The following PTP4A1 variants were observed in gnomAD, a reference collection of about 807,000 sequenced individuals.
PTP4A1 encodes the protein protein tyrosine phosphatase 4A1.
PTP4A1 carries 9 observed loss-of-function variants against 20.5 expected under a neutral mutation model. The observed-to-expected ratio is 0.44, with a 90% CI of 0.26 to 0.77. The LOEUF is 0.77. PTP4A1 is among the 30% of genes least tolerant of loss of function. The pLI is 0.19. For missense variants in PTP4A1, 137 were observed against 218.8 expected (o/e 0.63, Z 2.36); for synonymous variants, 78 against 67.4 (o/e 1.16, Z -0.77).
chr6:63,530,462 G>C (rs533911351), intron 2 of PTP4A1, among the ~76,000 whole-genome samples: 3 of 152,194 alleles, frequency 2.0e-5, no homozygotes, highest in Admixed American at 1.3e-4. Flanking sequence ...AAACATGAAG[G>C]CTTAGACGCC....
At chr6:63,559,700 G>A (rs1435347108) in intron 3 of PTP4A1, among the ~76,000 whole-genome samples, 3 of 151,528 alleles carry the variant, frequency 2.0e-5, no homozygotes, top group South Asian at 2.1e-4. Flanking sequence ...AGCCAAGATC[G>A]CGCCACTGCA....
chr6:63,518,154 CAA>C (rs60368385), upstream of PTP4A1, among the ~76,000 whole-genome samples: 33 of 62,062 alleles, frequency 5.3e-4, no homozygotes, highest in East Asian at 4.8e-4. Flanking sequence ...ACTCCGTCTC[CAA>C]AAAAAAAAAA....
chr6:63,580,105 G>A lies in PTP4A1; in HGVS notation c.453G>A (p.Lys151=), dbSNP rs548081382. The A allele has an allele frequency of 4.3e-6, 7 of 1,613,078 alleles. No individual in the cohort carries two copies. Among genetic ancestry groups the A allele is most frequent in the Non-Finnish European group, 5.9e-6 (7 of 1,179,682 alleles). ...GCAAGCAACTTCTGTATTTGGAGAAGTATCGTCCTAAAATGCGGCTGCGTT... is the reference window on the plus strand; with the variant it reads ...GCAAGCAACTTCTGTATTTGGAGAAATATCGTCCTAAAATGCGGCTGCGTT... ...FNSKQLLYLE[K]YRPKMRLRFK... The change falls in exon 6 of 6, where the codon AAG becomes AAA. Residue 151 remains lysine, a synonymous_variant. Transcript: ENST00000626021.
intron 2 of PTP4A1, among the ~76,000 whole-genome samples, chr6:63,535,488 A>G (rs367580510): frequency 2.0e-5 from 3 of 152,172 alleles, no homozygotes; most frequent in East Asian, 3.8e-4. Flanking sequence ...AAAAAGCAAT[A>G]ATATGCATTT....
chr6:63,572,330 C>CCGG, upstream of PTP4A1: 1 of 255,464 alleles, frequency 3.9e-6, no homozygotes, highest in East Asian at 7.0e-5. Flanking sequence ...CCGGTTCACA[C>CCGG]CGGCGGCGGC....
At chr6:63,528,313 T>C (rs548043349) in intron 2 of PTP4A1, among the ~76,000 whole-genome samples, 22 of 152,298 alleles carry the variant, frequency 1.4e-4, no homozygotes, top group African/African-American at 5.1e-4. Context: ...AGAATAGCAT[T>C]GGCTGGGCAC....
chr6:63,566,544 G>T (rs540957208), intron 3 of PTP4A1, among the ~76,000 whole-genome samples: 10 of 152,280 alleles, frequency 6.6e-5, no homozygotes, highest in African/African-American at 2.2e-4. Flanking sequence ...AGGAAGTGGG[G>T]AAAACGGGTA....
chr6:63,527,009 A>G (rs943283886), intron 1 of PTP4A1, among the ~76,000 whole-genome samples: 2 of 151,856 alleles, frequency 1.3e-5, no homozygotes, highest in Non-Finnish European at 1.5e-5. Context: ...ACATGAGCTC[A>G]TTGTTGTTCC....
intron 2 of PTP4A1, chr6:63,549,422 G>A (rs2149489084): frequency 1.3e-6 from 1 of 751,186 alleles, no homozygotes; most frequent in Admixed American, 1.7e-5. Context: ...TCAAACAGGG[G>A]ATTCACCACT....
chr6:63,546,040 T>C (rs1157888398), intron 2 of PTP4A1, among the ~76,000 whole-genome samples: 1 of 152,188 alleles, frequency 6.6e-6, no homozygotes, highest in Admixed American at 6.5e-5. Context: ...TCCAAATATA[T>C]GAAATCAGTA....
At chr6:63,525,972 C>CGGT (rs1223569744) in intron 1 of PTP4A1, among the ~76,000 whole-genome samples, 1 of 152,126 alleles carries the variant, frequency 6.6e-6, no homozygotes, top group African/African-American at 2.4e-5. Context: ...AACCTTCTTT[C>CGGT]GGTACCAGTA....
chr6:63,580,008 C>A, intron 5 of PTP4A1, 49 bp from the exon 6 acceptor site: 1 of 1,359,502 alleles, frequency 7.4e-7, no homozygotes, highest in Non-Finnish European at 1.0e-6. Context: ...CTAAATATTA[C>A]TGTAGGGGGC....
chr6:63,538,638 A>G (rs1290064322), intron 2 of PTP4A1, among the ~76,000 whole-genome samples: 4 of 152,196 alleles, frequency 2.6e-5, no homozygotes, highest in Non-Finnish European at 5.9e-5. Flanking sequence ...TTGAGATTGC[A>G]AAAGAGATTT....
At chr6:63,555,920 G>A (rs1008414054) in intron 3 of PTP4A1, among the ~76,000 whole-genome samples, 2 of 151,868 alleles carry the variant, frequency 1.3e-5, no homozygotes, top group Admixed American at 1.3e-4. Flanking sequence ...CGAACTCCTG[G>A]CCTCAAGTGA....
intron 2 of PTP4A1, among the ~76,000 whole-genome samples, chr6:63,530,218 CT>C (rs796650758): frequency 2.0e-5 from 3 of 151,924 alleles, no homozygotes; most frequent in Admixed American, 2.0e-4. Flanking sequence ...TTACTTAACA[CT>C]TTTTTTTCAT....
At chr6:63,551,447 G>A (rs966144281) in intron 3 of PTP4A1, among the ~76,000 whole-genome samples, 2 of 152,174 alleles carry the variant, frequency 1.3e-5, no homozygotes, top group African/African-American at 4.8e-5. Flanking sequence ...TTCACAAATA[G>A]TCACTATATG....
At chr6:63,547,805 C>T (rs1356575153) in intron 2 of PTP4A1, among the ~76,000 whole-genome samples, 1 of 152,118 alleles carries the variant, frequency 6.6e-6, no homozygotes, top group Non-Finnish European at 1.5e-5. Context: ...GCCACTGCGC[C>T]CGGCCCAGGG....
At chr6:63,539,711 G>T (rs1043837450) in intron 2 of PTP4A1, among the ~76,000 whole-genome samples, 9 of 152,000 alleles carry the variant, frequency 5.9e-5, no homozygotes, top group Admixed American at 2.0e-4. Context: ...GGAGGTTGCA[G>T]TGAGCTGAGA....
intron 2 of PTP4A1, among the ~76,000 whole-genome samples, chr6:63,537,655 G>A (rs1047330269): frequency 1.3e-5 from 2 of 152,242 alleles, no homozygotes; most frequent in African/African-American, 4.8e-5. Flanking sequence ...TAAAAGAAGT[G>A]TGAAACCACA....
Sources: allele counts gnomAD v4.1 joint callset (sites outside exome capture counted in the v4.1 genomes callset), GRCh38; gene constraint gnomAD v4.1.1; transcripts MANE v1.5; gene names NCBI Gene and HGNC (gene_info 2026-07-23, HGNC 2026-07-21).